FRMD6: variants seen among roughly 807,000 people sequenced by gnomAD.
FRMD6 encodes the protein FERM domain containing 6.
In FRMD6, 37 loss-of-function variants were observed where a neutral mutation model predicts 73.2. The observed-to-expected ratio is 0.51, with a 90% CI of 0.39 to 0.66. The LOEUF is 0.66. FRMD6 is among the 30% of genes least tolerant of loss of function. The pLI is 0.00. For missense variants in FRMD6, 714 were observed against 780.5 expected (o/e 0.91, Z 1.02); for synonymous variants, 273 against 282.2 (o/e 0.97, Z 0.33).
chr14:51,688,265 G>T (rs1447403975), intron 1 of FRMD6, among the ~76,000 whole-genome samples: 2 of 152,048 alleles, frequency 1.3e-5, no homozygotes, highest in African/African-American at 2.4e-5. Flanking sequence ...AACATGAGAT[G>T]ATTATTATTA....
At chr14:51,712,017 T>G (rs952087678) in intron 8 of FRMD6, among the ~76,000 whole-genome samples, 1 of 152,198 alleles carries the variant, frequency 6.6e-6, no homozygotes, top group Admixed American at 6.5e-5. Flanking sequence ...ACTTTAGTGA[T>G]GAAACTTACC....
chr14:51,541,197 T>C (rs933501725), intron 1 of FRMD6, among the ~76,000 whole-genome samples: 2 of 152,136 alleles, frequency 1.3e-5, no homozygotes, highest in African/African-American at 4.8e-5. Context: ...AATTCTAAGT[T>C]GGGATGACTT....
chr14:51,550,164 G>C (rs555458018), intron 1 of FRMD6, among the ~76,000 whole-genome samples: 3 of 152,130 alleles, frequency 2.0e-5, no homozygotes, highest in Non-Finnish European at 4.4e-5. Flanking sequence ...TCACTCCAGG[G>C]AGTAACAATC....
At position 51,727,818 on chromosome 14, in the gene FRMD6, A is replaced by G. The variant is rs1230764548; in HGVS notation, c.1658A>G (p.Lys553Arg). 1 of 1,614,088 alleles carries G rather than the reference A, an allele frequency of 6.2e-7. No homozygotes were observed. Among genetic ancestry groups the G allele is most frequent in the South Asian group, 1.1e-5 (1 of 91,082 alleles). Residue 553 changes from lysine (K) to arginine (R), a missense_variant, in exon 14 of 14, where the codon AAA becomes AGA. By Grantham distance (26) the Lys-to-Arg change is conservative. Transcript: ENST00000344768. ...LSLDDIRLYQ[K>R]DFLRIAGLCQ... ...CTCGATGACATCAGACTTTACCAGA[A>G]AGACTTCCTGCGCATTGCAGGTCTG...
At chr14:51,447,932 G>C in the FRMD6 span, among the ~76,000 whole-genome samples, 1 of 152,152 alleles carries the variant, frequency 6.6e-6, no homozygotes, top group Non-Finnish European at 1.5e-5. Context: ...TGGCAGTTAT[G>C]TACTGTCTTG....
In FRMD6 at chr14:51,552,731, T is replaced by G. The variant is rs570295016; in HGVS notation, c.-209-17617T>G. ...GCTCATTTAATTTAAAATATGAAAC[T>G]ATGCAAGCAAAACAAAATCCACCTG... On this transcript the variant is annotated intron_variant, in intron 1 of 14. Transcript: ENST00000356218. Among the ~76,000 whole-genome samples the G allele has an allele frequency of 9.8e-5, 15 of 152,344 alleles. No homozygotes were observed. The South Asian group carries it at 3.1e-3, about 32-fold the overall frequency.
chr14:51,560,481 T>C (rs1238483132), intron 1 of FRMD6, among the ~76,000 whole-genome samples: 1 of 152,168 alleles, frequency 6.6e-6, no homozygotes, highest in East Asian at 1.9e-4. Flanking sequence ...GCATTGATCC[T>C]ACTTTGTTTG....
At chr14:51,413,788 A>T in the FRMD6 span, among the ~76,000 whole-genome samples, 8 of 152,154 alleles carry the variant, frequency 5.3e-5, no homozygotes, top group Non-Finnish European at 1.2e-4. Context: ...GTGTTAAAAC[A>T]TTCCTATTTC....
At chr14:51,512,457 A>C (rs1884366609) in intron 1 of FRMD6, among the ~76,000 whole-genome samples, 1 of 152,152 alleles carries the variant, frequency 6.6e-6, no homozygotes, top group African/African-American at 2.4e-5. Context: ...GGATTGCTGA[A>C]ATGCTGCTGC....
At chr14:51,445,375 GTC>G in the FRMD6 span, among the ~76,000 whole-genome samples, 1 of 152,136 alleles carries the variant, frequency 6.6e-6, no homozygotes, top group African/African-American at 2.4e-5. Flanking sequence ...GGGTTGAGGA[GTC>G]TCGGTTTTTC....
At chr14:51,584,700 AATATCCATT>A (rs1273962699) in intron 2 of FRMD6, among the ~76,000 whole-genome samples, 1 of 151,782 alleles carries the variant, frequency 6.6e-6, no homozygotes, top group Non-Finnish European at 1.5e-5. Context: ...GTTTTGCTTT[AATATCCATT>A]AGGCTCCATC....
intron 2 of FRMD6, among the ~76,000 whole-genome samples, chr14:51,578,105 A>G (rs1242184130): frequency 6.6e-6 from 1 of 152,196 alleles, no homozygotes; most frequent in Non-Finnish European, 1.5e-5. Context: ...ACAAGCAGGA[A>G]GGAAATTCCT....
upstream of FRMD6, among the ~76,000 whole-genome samples, chr14:51,647,630 T>A (rs1892136730): frequency 6.6e-6 from 1 of 152,154 alleles, no homozygotes. Flanking sequence ...TGAATCTCAG[T>A]AATTACCAAA....
intron 1 of FRMD6, among the ~76,000 whole-genome samples, chr14:51,673,126 A>T (rs1299681600): frequency 6.6e-6 from 1 of 152,144 alleles, no homozygotes; most frequent in Non-Finnish European, 1.5e-5. Flanking sequence ...TATCCTTCAC[A>T]CTAACCTATC....
At chr14:51,464,087 GGT>G in the FRMD6 span, among the ~76,000 whole-genome samples, 1 of 152,250 alleles carries the variant, frequency 6.6e-6, no homozygotes, top group Non-Finnish European at 1.5e-5. Flanking sequence ...GGGGATTACA[GGT>G]GTGAGCCACT....
At position 51,706,025 on chromosome 14, in the gene FRMD6, G is replaced by A. The variant is rs75176820; in HGVS notation, c.558+1090G>A. ...TAAGGTAGCTGTTTACCCATAGGCC[G>A]TTCAAACTCAAGATGTCCTAAATCA... On this transcript the variant is annotated intron_variant, in intron 6 of 13. Transcript: ENST00000344768. Among the ~76,000 whole-genome samples the A allele has an allele frequency of 3.0e-3, 458 of 152,078 alleles. 1 individual carries two copies. The highest frequency in any genetic ancestry group is 0.01 in the African/African-American group (423 of 41,488).
chr14:51,688,128 T>C (rs9635224), intron 1 of FRMD6, among the ~76,000 whole-genome samples: 4 of 151,518 alleles, frequency 2.6e-5, no homozygotes, highest in South Asian at 2.1e-4. Flanking sequence ...TTTTTTTTTT[T>C]CAAGATGGAT....
At chr14:51,446,902 G>A in the FRMD6 span, among the ~76,000 whole-genome samples, 11 of 152,164 alleles carry the variant, frequency 7.2e-5, no homozygotes, top group African/African-American at 2.7e-4. Flanking sequence ...CCATCATGAC[G>A]ACCTAGGCTG....
chr14:51,531,966 A>G (rs781550324), intron 1 of FRMD6, among the ~76,000 whole-genome samples: 2 of 152,252 alleles, frequency 1.3e-5, no homozygotes, highest in Admixed American at 6.5e-5. Flanking sequence ...AGTAAAATTT[A>G]TAATAAACAT....
Sources: allele counts gnomAD v4.1 joint callset (sites outside exome capture counted in the v4.1 genomes callset), GRCh38; gene constraint gnomAD v4.1.1; transcripts MANE v1.5; gene names NCBI Gene and HGNC (gene_info 2026-07-23, HGNC 2026-07-21).